GRIN2A: variants seen among roughly 807,000 people sequenced by gnomAD.
GRIN2A encodes the protein glutamate ionotropic receptor NMDA type subunit 2A, also known as glutamate receptor ionotropic, NMDA 2A.
In GRIN2A, 22 loss-of-function variants were observed where a neutral mutation model predicts 113.4. The ratio of observed to expected loss-of-function variants is 0.19; its 90% CI spans 0.14 to 0.28. The LOEUF is 0.28. Among genes scored for constraint, GRIN2A ranks in the 10% least tolerant of loss-of-function variants. GRIN2A has a pLI of 1.00. For missense variants in GRIN2A, 1,502 were observed against 1,887.0 expected, an observed-to-expected ratio of 0.80 and a Z score of 3.78; for synonymous variants, 827 against 738.4, an observed-to-expected ratio of 1.12 and a Z score of -1.94.
At chr16:9,793,770 T>C (rs545982877) in intron 11 of GRIN2A, among the ~76,000 whole-genome samples, 2 of 152,216 alleles carry the variant, frequency 1.3e-5, no homozygotes, top group African/African-American at 4.8e-5. Context: ...TGTATATATA[T>C]ACACATACAT....
intron 11 of GRIN2A, among the ~76,000 whole-genome samples, chr16:9,795,070 T>C (rs1390828286): frequency 6.6e-6 from 1 of 151,964 alleles, no homozygotes. Flanking sequence ...AATAATGATA[T>C]CAGAGGCGTG....
chr16:10,033,273 T>C (rs1368443682), intron 2 of GRIN2A, among the ~76,000 whole-genome samples: 2 of 152,178 alleles, frequency 1.3e-5, no homozygotes, highest in African/African-American at 4.8e-5. Flanking sequence ...CATTCATTCA[T>C]TTTGTTAACA....
chr16:9,950,159 A>G (rs1464889119), intron 2 of GRIN2A, among the ~76,000 whole-genome samples: 1 of 152,174 alleles, frequency 6.6e-6, no homozygotes, highest in Non-Finnish European at 1.5e-5. Context: ...AAAGGAATTG[A>G]TTCCAAAAAG....
At chr16:10,177,928 A>G (rs1230295642) in intron 2 of GRIN2A, among the ~76,000 whole-genome samples, 1 of 152,106 alleles carries the variant, frequency 6.6e-6, no homozygotes, top group African/African-American at 2.4e-5. Context: ...CCACACACCT[A>G]TCGACTGAGA....
chr16:9,838,192 T>C (rs184489397), intron 7 of GRIN2A, among the ~76,000 whole-genome samples: 1 of 152,256 alleles, frequency 6.6e-6, no homozygotes, highest in African/African-American at 2.4e-5. Flanking sequence ...TCTGGAAAAA[T>C]ATAAGAAAGT....
chr16:9,841,253 A>T, intron 5 of GRIN2A, 149 bp from the exon 6 acceptor site: 1 of 717,550 alleles, frequency 1.4e-6, no homozygotes, highest in Non-Finnish European at 2.5e-6. Context: ...TGAGTACATG[A>T]CAGCAAAAGC....
At chr16:9,784,886 A>G (rs367921484) in intron 11 of GRIN2A, among the ~76,000 whole-genome samples, 3 of 152,212 alleles carry the variant, frequency 2.0e-5, no homozygotes, top group Admixed American at 6.5e-5. Context: ...CAAAACCACA[A>G]TGAGATACCA....
At chr16:9,918,423 G>C (rs555152007) in intron 3 of GRIN2A, among the ~76,000 whole-genome samples, 1 of 152,192 alleles carries the variant, frequency 6.6e-6, no homozygotes, top group East Asian at 1.9e-4. Flanking sequence ...TAATAAAATA[G>C]AACAATTATA....
At chr16:10,086,965 T>C (rs573062634) in intron 2 of GRIN2A, among the ~76,000 whole-genome samples, 1 of 152,172 alleles carries the variant, frequency 6.6e-6, no homozygotes. Context: ...CTCTTGAGCA[T>C]GAATGAAGTT....
At chr16:9,988,731 G>C (rs771918729) in intron 2 of GRIN2A, among the ~76,000 whole-genome samples, 5 of 152,060 alleles carry the variant, frequency 3.3e-5, no homozygotes, top group Non-Finnish European at 7.4e-5. Flanking sequence ...ACTTCCCCAG[G>C]TTGAGATGGT....
Position 10,009,776 on chromosome 16 carries a change from G to A in GRIN2A, c.415-71225C>T, listed in dbSNP as rs373847589. ...AAAAAAAAAATCAACCTGCCAATCT[G>A]GTCTTTCCTGCAGTAAATGAAAACT... On this transcript the variant is annotated intron_variant, in intron 2 of 12. Transcript: ENST00000330684. 8.5e-5 allele frequency among the ~76,000 whole-genome samples: 13 copies of A among 152,210 alleles called. No homozygotes were observed. The East Asian group carries it at 1.5e-3, about 18-fold the overall frequency.
chr16:10,070,458 C>T (rs1227664038), intron 2 of GRIN2A, among the ~76,000 whole-genome samples: 1 of 152,116 alleles, frequency 6.6e-6, no homozygotes, highest in African/African-American at 2.4e-5. Flanking sequence ...ATCACTGGTC[C>T]ACAGCTCAGA....
rs116325074 is a variant in GRIN2A, at chr16:9,986,298, G to A, written c.415-47747C>T. Reference sequence around the variant, plus strand: ...TTATGACGTTAGGTGAATAATAAAAGTGAAAACAAAATGTATATACAAGCC... The same window carrying A: ...TTATGACGTTAGGTGAATAATAAAAATGAAAACAAAATGTATATACAAGCC... On this transcript the variant is annotated intron_variant, in intron 2 of 12. Coordinates refer to ENST00000330684, the MANE Select transcript of GRIN2A (RefSeq NM_001134407.3). 8.6e-3 allele frequency among the ~76,000 whole-genome samples: 1,308 copies of A among 152,220 alleles called. 18 individuals are homozygous for A. Among genetic ancestry groups the A allele is most frequent in the African/African-American group, 0.03 (1,227 of 41,556 alleles).
chr16:9,892,096 T>C (rs1264229717), intron 3 of GRIN2A, among the ~76,000 whole-genome samples: 2 of 152,122 alleles, frequency 1.3e-5, no homozygotes, highest in Admixed American at 6.5e-5. Context: ...CTGGGCATGG[T>C]GGTGCAAACC....
chr16:10,037,898 C>CACA (rs1216863804), intron 2 of GRIN2A, among the ~76,000 whole-genome samples: 1 of 152,148 alleles, frequency 6.6e-6, no homozygotes, highest in Non-Finnish European at 1.5e-5. Flanking sequence ...AGATTACAGG[C>CACA]ATGAATCATT....
intron 11 of GRIN2A, among the ~76,000 whole-genome samples, chr16:9,769,961 C>A (rs1901162113): frequency 6.6e-6 from 1 of 152,182 alleles, no homozygotes; most frequent in South Asian, 2.1e-4. Flanking sequence ...TGAATGGCCC[C>A]TTGCAAACTA....
rs375286214 is a variant in GRIN2A, at chr16:9,890,967, C to T, written c.1122+19G>A. Reference sequence around the variant, plus strand: ...GCTTTCTTCCCTCCCCTGCATTCAGCACACAGAAGGATGCTCACCTTTTCC... The same window carrying T: ...GCTTTCTTCCCTCCCCTGCATTCAGTACACAGAAGGATGCTCACCTTTTCC... On this transcript the variant is annotated intron_variant, in intron 4 of 12. Coordinates refer to ENST00000330684, the MANE Select transcript of GRIN2A (RefSeq NM_001134407.3). 2.0e-6 allele frequency: 3 copies of T among 1,464,272 alleles called. No homozygotes were observed. Among genetic ancestry groups the T allele is most frequent in the African/African-American group, 2.8e-5 (2 of 72,026 alleles). The allele number at this position is 1,464,272 out of a possible 1,614,324, so 90.7% of individuals were successfully genotyped here.
intron 2 of GRIN2A, among the ~76,000 whole-genome samples, chr16:9,939,676 G>A (rs1281415757): frequency 6.6e-6 from 1 of 152,164 alleles, no homozygotes; most frequent in Non-Finnish European, 1.5e-5. Context: ...CAGTCACAGA[G>A]CAAGTAGACA....
At chr16:9,903,101 T>C (rs1049118043) in intron 3 of GRIN2A, among the ~76,000 whole-genome samples, 1 of 152,088 alleles carries the variant, frequency 6.6e-6, no homozygotes, top group East Asian at 1.9e-4. Context: ...CTCTAGTAGC[T>C]GGGACTACAA....
Sources: allele counts gnomAD v4.1 joint callset (sites outside exome capture counted in the v4.1 genomes callset), GRCh38; gene constraint gnomAD v4.1.1; transcripts MANE v1.5; gene names NCBI Gene and HGNC (gene_info 2026-07-23, HGNC 2026-07-21).